CAMTA1: variants seen among roughly 807,000 people sequenced by gnomAD.
The protein encoded by CAMTA1 is calmodulin binding transcription activator 1.
In CAMTA1, 27 loss-of-function variants were observed where a neutral mutation model predicts 170.9. The ratio of observed to expected loss-of-function variants is 0.16; its 90% CI spans 0.12 to 0.22. The LOEUF (loss-of-function observed/expected upper bound fraction) is 0.22. Among genes scored for constraint, CAMTA1 ranks in the 10% least tolerant of loss-of-function variants. The probability of loss-of-function intolerance (pLI) is 1.00; values close to 1 mark genes in which losing one functional copy is unlikely to be tolerated. For missense variants in CAMTA1, 1,619 were observed against 2,217.2 expected, an observed-to-expected ratio of 0.73 and a Z score of 5.42; for synonymous variants, 833 against 891.5, an observed-to-expected ratio of 0.93 and a Z score of 1.17.
chr1:7,317,549 A>G (rs1677711072), intron 5 of CAMTA1, among the ~76,000 whole-genome samples: 1 of 152,222 alleles, frequency 6.6e-6, no homozygotes, highest in South Asian at 2.1e-4. Flanking sequence ...TTCCCAATCA[A>G]AGGGCTTTGA....
chr1:7,737,453 C>T lies in CAMTA1; in HGVS notation c.3541C>T (p.His1181Tyr), dbSNP rs1404026078. 1 of 1,614,114 alleles carries T rather than the reference C, an allele frequency of 6.2e-7. No individual in the cohort carries two copies. Among genetic ancestry groups the T allele is most frequent in the Non-Finnish European group, 8.5e-7 (1 of 1,179,984 alleles). ...TCAGCTGGGACAGAACCCCAGAATCCACTGTCCTGCAAGCGAAGAGCCCAG... is the reference window on the plus strand; with the variant it reads ...TCAGCTGGGACAGAACCCCAGAATCTACTGTCCTGCAAGCGAAGAGCCCAG... ...QAQLGQNPRI[H>Y]CPASEEPSTE... The change falls in exon 15 of 23, where the codon CAC (histidine) becomes TAC (tyrosine). Residue 1181 changes from histidine (H) to tyrosine (Y), a missense_variant. By Grantham distance (83) the His-to-Tyr change is moderately conservative (BLOSUM62 2). Coordinates refer to ENST00000303635, the MANE Select transcript of CAMTA1 (RefSeq NM_015215.4).
intron 4 of CAMTA1, among the ~76,000 whole-genome samples, chr1:7,162,335 A>G (rs1015168265): frequency 1.3e-5 from 2 of 152,182 alleles, no homozygotes; most frequent in African/African-American, 4.8e-5. Context: ...TTCAAAGAGT[A>G]CAATTTGATG....
chr1:7,355,155 G>A (rs1263663198), intron 5 of CAMTA1, among the ~76,000 whole-genome samples: 3 of 146,782 alleles, frequency 2.0e-5, no homozygotes, highest in East Asian at 4.0e-4. Context: ...GCAGTGAGCC[G>A]AGATCACACC....
chr1:7,039,620 C>T (rs1003478364), intron 3 of CAMTA1, among the ~76,000 whole-genome samples: 5 of 152,116 alleles, frequency 3.3e-5, no homozygotes, highest in African/African-American at 9.7e-5. Flanking sequence ...GTGAAATGCT[C>T]GAAGCTAATT....
chr1:7,174,630 C>T (rs557864808), intron 4 of CAMTA1, among the ~76,000 whole-genome samples: 6 of 152,334 alleles, frequency 3.9e-5, no homozygotes, highest in East Asian at 1.9e-4. Flanking sequence ...CCACGAGAGC[C>T]GCATTTAGGG....
intron 11 of CAMTA1, among the ~76,000 whole-genome samples, chr1:7,707,107 A>C (rs2096532456): frequency 1.3e-5 from 2 of 151,992 alleles, no homozygotes; most frequent in South Asian, 4.2e-4. Flanking sequence ...GCTGGTCTTG[A>C]ACTCCTGACC....
chr1:7,220,720 C>T (rs1660598860), intron 4 of CAMTA1, among the ~76,000 whole-genome samples: 1 of 152,210 alleles, frequency 6.6e-6, no homozygotes, highest in Non-Finnish European at 1.5e-5. Flanking sequence ...AAATGAGAGC[C>T]AATCTTAGGC....
chr1:7,598,514 G>A (rs1252652806), intron 6 of CAMTA1, among the ~76,000 whole-genome samples: 1 of 152,206 alleles, frequency 6.6e-6, no homozygotes, highest in Non-Finnish European at 1.5e-5. Context: ...TCGCCACACT[G>A]ACTTCTACAA....
chr1:7,611,163 C>T (rs1186081650), intron 6 of CAMTA1, among the ~76,000 whole-genome samples: 1 of 152,156 alleles, frequency 6.6e-6, no homozygotes, highest in East Asian at 1.9e-4. Flanking sequence ...TGGTGCGGGC[C>T]TAGTCCATGC....
In CAMTA1 at chr1:7,286,284, C is replaced by T. The variant is rs534036922; in HGVS notation, c.438+36658C>T. On this transcript the variant is annotated intron_variant, in intron 5 of 22. Transcript: ENST00000303635. The surrounding 1 kb of genome is among the most constrained non-coding windows in gnomAD (Gnocchi z 4.2). ...GGAGTTGATGGCACAGGTGGAGGGG[C>T]GGAGGCGCCAGGGTGTGCCACGTGC... Among the ~76,000 whole-genome samples the T allele has an allele frequency of 9.9e-5, 15 of 152,268 alleles. No homozygotes were observed. The highest frequency in any genetic ancestry group is 3.4e-3 in the Middle Eastern group (1 of 294).
At chr1:7,313,649 T>A (rs1187224286) in intron 5 of CAMTA1, among the ~76,000 whole-genome samples, 2 of 152,214 alleles carry the variant, frequency 1.3e-5, no homozygotes, top group Non-Finnish European at 2.9e-5. Context: ...AGGAGTAACA[T>A]CATATTTACT....
chr1:7,360,616 A>G (rs778649022), intron 5 of CAMTA1, among the ~76,000 whole-genome samples: 1 of 152,222 alleles, frequency 6.6e-6, no homozygotes, highest in African/African-American at 2.4e-5. Flanking sequence ...TGCCAGGAGC[A>G]TGGGAGGTGC....
chr1:7,654,985 TACACACACCCAC>T (rs2095875698), intron 7 of CAMTA1, among the ~76,000 whole-genome samples: 2 of 119,416 alleles, frequency 1.7e-5, no homozygotes, highest in African/African-American at 6.8e-5. Flanking sequence ...CACACACCTA[TACACACACCCAC>T]ACACACCTAT....
chr1:7,104,097 CACA>C (rs1045557987), intron 4 of CAMTA1, among the ~76,000 whole-genome samples: 12 of 144,466 alleles, frequency 8.3e-5, no homozygotes, highest in Admixed American at 2.8e-4. Context: ...AACACACATA[CACA>C]ACTACACACA....
At chr1:7,721,811 G>T (rs1451723791) in intron 11 of CAMTA1, among the ~76,000 whole-genome samples, 1 of 151,938 alleles carries the variant, frequency 6.6e-6, no homozygotes, top group Non-Finnish European at 1.5e-5. Flanking sequence ...ATGGGGTTTC[G>T]CCATGTTGGC....
chr1:7,105,339 C>T (rs755450861), intron 4 of CAMTA1, among the ~76,000 whole-genome samples: 5 of 152,218 alleles, frequency 3.3e-5, no homozygotes, highest in Non-Finnish European at 5.9e-5. Context: ...TGTGAGTTTA[C>T]CCCCTGCCAG....
chr1:7,018,102 C>T (rs12117757), intron 3 of CAMTA1, among the ~76,000 whole-genome samples: 3,737 of 111,186 alleles, frequency 0.034, no homozygotes, highest in East Asian at 0.048. Flanking sequence ...TACCTGGGAC[C>T]ACAGGTGTGC....
rs1004017536 is a variant in CAMTA1 at position 7,333,306 on chromosome 1, A to G, written c.438+83680A>G. On this transcript the variant is annotated intron_variant, in intron 5 of 22. Coordinates refer to ENST00000303635, the MANE Select transcript of CAMTA1 (RefSeq NM_015215.4). This position sits in a 1 kb window ranked among gnomAD's most constrained non-coding sequence, Gnocchi z 4.4. ...AAGCTTTGGCAATTGACATGAGTTGAACCTAGTTGTCATTCCTGCCGGTGA... is the reference window on the plus strand; with the variant it reads ...AAGCTTTGGCAATTGACATGAGTTGGACCTAGTTGTCATTCCTGCCGGTGA... Among the ~76,000 whole-genome samples, 1 of 152,266 alleles carries G rather than the reference A, an allele frequency of 6.6e-6. No homozygotes were observed. The highest frequency in any genetic ancestry group is 1.9e-4 in the East Asian group (1 of 5,176).
intron 3 of CAMTA1, among the ~76,000 whole-genome samples, chr1:6,948,284 G>A (rs1436380196): frequency 2.0e-5 from 3 of 152,160 alleles, no homozygotes; most frequent in South Asian, 4.1e-4. Context: ...GTAGGCATTT[G>A]GGGGAGGTAC....
Sources: allele counts gnomAD v4.1 joint callset (sites outside exome capture counted in the v4.1 genomes callset), GRCh38; gene constraint gnomAD v4.1.1; non-coding constraint Gnocchi (gnomAD v3.1); transcripts MANE v1.5; gene names NCBI Gene and HGNC (gene_info 2026-07-23, HGNC 2026-07-21).